The following AQP7 variants were observed in gnomAD, a reference collection of about 807,000 sequenced individuals.
AQP7 encodes the protein aquaporin 7, also known as aquaporin-7.
A neutral mutation model predicts 26.1 loss-of-function variants in AQP7; 22 were observed. The observed-to-expected ratio is 0.84, with a 90% CI of 0.60 to 1.20. AQP7 has a LOEUF of 1.20. Among genes scored for constraint, AQP7 ranks in the 50% most tolerant of loss-of-function variants. AQP7 has a pLI of 0.00. For synonymous variants in AQP7, 167 were observed against 181.7 expected (o/e 0.92, Z 0.65); for missense variants, 412 against 457.5 (o/e 0.90, Z 0.91).
intron 3 of AQP7, among the ~76,000 whole-genome samples, chr9:33,387,969 C>A (rs978148055): frequency 2.0e-5 from 3 of 152,256 alleles, no homozygotes; most frequent in African/African-American, 7.2e-5. Flanking sequence ...AGCTGCTTCA[C>A]CCCTTCCCTC....
intron 3 of AQP7, among the ~76,000 whole-genome samples, chr9:33,391,088 C>G (rs973740567): frequency 6.6e-6 from 1 of 152,150 alleles, no homozygotes; most frequent in Non-Finnish European, 1.5e-5. Context: ...GCCTGGGCAA[C>G]AGGGTGAGAC....
chr9:33,401,128 T>C, intron 2 of AQP7, 109 bp downstream of exon 2: 1 of 1,281,938 alleles, frequency 7.8e-7, no homozygotes, highest in African/African-American at 1.5e-5. Flanking sequence ...GGAGGTCGAG[T>C]GGGGACAGCT....
Position 33,385,798 on chromosome 9 carries a change from CA to C in AQP7, c.593del (p.Leu198ArgfsTer8). ...AITDQENNPALPGTEALVIGI... is the reference protein window; with the variant it reads ...AITDQENNPAXPGTEALVIGI... ...CTATCACCAGCGCCTCTGTTCCTGG[CA>C]GTGCTGGGTTGTTCTCCTGGTCCGT... is the stretch of plus-strand genomic sequence containing the variant. On this transcript the variant is annotated frameshift_variant, in exon 7 of 8. Coordinates refer to ENST00000297988, the MANE Select transcript of AQP7 (RefSeq NM_001170.3). LOFTEE classifies it high-confidence loss of function. 6.2e-7 allele frequency: 1 copy of C among 1,613,204 alleles called. No individual in the cohort carries two copies. The highest frequency in any genetic ancestry group is 1.1e-5 in the South Asian group (1 of 91,040).
Position 33,384,961 on chromosome 9 carries a change from C to A in AQP7, c.*44G>T, listed in dbSNP as rs1254448182. 1.9e-6 allele frequency: 3 copies of A among 1,562,884 alleles called. No individual in the cohort carries two copies. The highest frequency in any genetic ancestry group is 2.6e-6 in the Non-Finnish European group (3 of 1,151,210). On this transcript the variant is annotated 3_prime_UTR_variant, in exon 8 of 8. Coordinates refer to ENST00000297988, the MANE Select transcript of AQP7 (RefSeq NM_001170.3). Reference sequence around the variant, plus strand: ...AGTGGGGGTACTGCTGTCGGACAAGCCTTGCTTTATTGGGGAATGGATGGG... The same window carrying A: ...AGTGGGGGTACTGCTGTCGGACAAGACTTGCTTTATTGGGGAATGGATGGG...
intron 3 of AQP7, among the ~76,000 whole-genome samples, chr9:33,394,844 C>T (rs112809490): frequency 0.061 from 9,308 of 152,076 alleles, 342 homozygotes; most frequent in East Asian, 0.14. Flanking sequence ...CATTTCCAGC[C>T]GTGCCCCGGA....
At chr9:33,385,578 AC>A (rs1377039376) in intron 7 of AQP7, 70 bp downstream of exon 7, 6 of 1,558,472 alleles carry the variant, frequency 3.8e-6, no homozygotes, top group Non-Finnish European at 3.5e-6. Context: ...CCCTCACATC[AC>A]CCCCCACCCC....
chr9:33,391,115 TAAATA>T (rs1825351553), intron 3 of AQP7, among the ~76,000 whole-genome samples: 2 of 152,176 alleles, frequency 1.3e-5, no homozygotes, highest in South Asian at 4.1e-4. Context: ...TCAAAATAAA[TAAATA>T]AAATAAAATA....
In AQP7 at chr9:33,395,072, A is replaced by G; in HGVS notation, c.144+6T>C. Reference sequence around the variant, plus strand: ...CCCACCCACTTCGTGCTGCCCACCCACTCACCATCATGACATATGTGCTCA... The same window carrying G: ...CCCACCCACTTCGTGCTGCCCACCCGCTCACCATCATGACATATGTGCTCA... On this transcript the variant is annotated splice_donor_region_variant and intron_variant, in intron 3 of 7. Coordinates refer to ENST00000297988, the MANE Select transcript of AQP7 (RefSeq NM_001170.3). The G allele has an allele frequency of 2.5e-6, 4 of 1,603,798 alleles. No homozygotes were observed. The highest frequency in any genetic ancestry group is 3.4e-6 in the Non-Finnish European group (4 of 1,171,994).
At chr9:33,391,209 C>T (rs73487352) in intron 3 of AQP7, among the ~76,000 whole-genome samples, 1 of 152,262 alleles carries the variant, frequency 6.6e-6, no homozygotes, top group African/African-American at 2.4e-5. Context: ...ATTCATCCAG[C>T]GCACAGGTTT....
rs763851824 is a variant in AQP7 at position 33,385,570 on chromosome 9, C to T, written c.743+79G>A. The T allele has an allele frequency of 8.4e-6, 13 of 1,546,144 alleles. No homozygotes were observed. The South Asian group carries it at 1.4e-4, about 17-fold the overall frequency. On this transcript the variant is annotated intron_variant, in intron 7 of 7. Transcript: ENST00000297988. ...TCAGCAGGACCCTCCTGTGCTGCCC[C>T]TCACATCACCCCCCACCCCTCAACA... is the stretch of plus-strand genomic sequence containing the variant.
At chr9:33,392,727 C>T (rs1825521780) in intron 3 of AQP7, among the ~76,000 whole-genome samples, 1 of 152,158 alleles carries the variant, frequency 6.6e-6, no homozygotes, top group Non-Finnish European at 1.5e-5. Flanking sequence ...CAACTGCTGT[C>T]CTCACAGCTC....
At chr9:33,394,876 T>C (rs1160948469) in intron 3 of AQP7, among the ~76,000 whole-genome samples, 1 of 152,128 alleles carries the variant, frequency 6.6e-6, no homozygotes, top group Non-Finnish European at 1.5e-5. Context: ...ATGGTTTCAT[T>C]TGACCCCCAC....
chr9:33,386,200 G>A lies in AQP7; in HGVS notation c.407-5C>T, dbSNP rs369057443. 9.4e-5 allele frequency: 151 copies of A among 1,613,988 alleles called. No individual in the cohort carries two copies. Among genetic ancestry groups the A allele is most frequent in the African/African-American group, 3.9e-4 (29 of 75,052 alleles). On this transcript the variant is annotated splice_region_variant and splice_polypyrimidine_tract_variant and intron_variant, in intron 5 of 7. Transcript: ENST00000297988. ...CCGAAAAGTGGAGAATGGCCGCTGCGGAGACACAGACTGTCATGCGAACCT... is the reference window on the plus strand; with the variant it reads ...CCGAAAAGTGGAGAATGGCCGCTGCAGAGACACAGACTGTCATGCGAACCT...
At chr9:33,398,973 C>CTTT (rs10533009) in intron 2 of AQP7, among the ~76,000 whole-genome samples, 11 of 139,412 alleles carry the variant, frequency 7.9e-5, no homozygotes, top group East Asian at 2.1e-4. Flanking sequence ...TTTCTTTTTC[C>CTTT]TTTTTTTTTT....
intron 2 of AQP7, 132 bp from the exon 3 acceptor site, chr9:33,395,327 G>A: frequency 1.4e-6 from 1 of 727,114 alleles, no homozygotes; most frequent in Admixed American, 2.3e-5. Flanking sequence ...TCTTGCGCAG[G>A]GCAGCTGGGA....
intron 2 of AQP7, 33 bp downstream of exon 2, chr9:33,401,204 G>T (rs1016750836): frequency 1.9e-6 from 3 of 1,548,236 alleles, no homozygotes; most frequent in Admixed American, 2.0e-5. Context: ...AAGGACAGGG[G>T]GCTGGAGGGT....
intron 3 of AQP7, among the ~76,000 whole-genome samples, chr9:33,389,798 A>C (rs1386432721): frequency 6.6e-6 from 1 of 152,106 alleles, no homozygotes; most frequent in Non-Finnish European, 1.5e-5. Context: ...GCACTTTGGG[A>C]GGCCGAGGTG....
intron 2 of AQP7, among the ~76,000 whole-genome samples, chr9:33,396,646 C>A (rs1486008756): frequency 2.1e-5 from 3 of 144,660 alleles, no homozygotes; most frequent in South Asian, 2.3e-4. Context: ...TGGTCCCCTG[C>A]CTCCCCAGAG....
At chr9:33,385,530 A>C (rs1248072550) in intron 7 of AQP7, 119 bp downstream of exon 7, 1 of 1,294,386 alleles carries the variant, frequency 7.7e-7, no homozygotes, top group East Asian at 2.3e-5. Flanking sequence ...CCTGCTCCCC[A>C]GGCTACCTGG....
Sources: gnomAD v4.1 joint callset for allele counts (sites outside exome capture counted in the v4.1 genomes callset) on GRCh38, gnomAD v4.1.1 for gene constraint, MANE v1.5 for transcripts, NCBI Gene and HGNC (gene_info 2026-07-23, HGNC 2026-07-21) for gene names.